The following SLC39A10 variants were observed in gnomAD, a reference collection of about 807,000 sequenced individuals.
SLC39A10 encodes solute carrier family 39 member 10.
In SLC39A10, 13 loss-of-function variants were observed where a neutral mutation model predicts 65.1. The observed-to-expected ratio is 0.20, with a 90% CI of 0.13 to 0.32. SLC39A10 has a LOEUF of 0.32. Among genes scored for constraint, SLC39A10 ranks in the 10% least tolerant of loss-of-function variants. The pLI is 1.00. For missense variants in SLC39A10, 831 were observed against 1,018.4 expected, an observed-to-expected ratio of 0.82 and a Z score of 2.50; for synonymous variants, 321 against 342.2, an observed-to-expected ratio of 0.94 and a Z score of 0.68.
chr2:195,680,222 A>C lies in SLC39A10; in HGVS notation c.180A>C (p.Lys60Asn), dbSNP rs1443499973. ...KFSKQAAENE[K>N]KYYIEKLFER... ...CAAAGCAAGCTGCTGAAAATGAAAA[A>C]AAATACTATATTGAAAAACTTTTTG... Residue 60 changes from lysine (K) to asparagine (N), a missense_variant, in exon 2 of 10, where the codon AAA becomes AAC. Transcript: ENST00000359634. 1 of 1,613,930 alleles carries C rather than the reference A, an allele frequency of 6.2e-7. No individual in the cohort carries two copies. Among genetic ancestry groups the C allele is most frequent in the Admixed American group, 1.7e-5 (1 of 59,980 alleles).
intron 8 of SLC39A10, among the ~76,000 whole-genome samples, chr2:195,726,055 A>T (rs570950848): frequency 1.1e-4 from 17 of 152,252 alleles, no homozygotes; most frequent in African/African-American, 3.6e-4. Flanking sequence ...CTACATTTTT[A>T]AAAAATGAAA....
chr2:195,619,875 T>A (rs566521399), intron 2 of SLC39A10, among the ~76,000 whole-genome samples: 4 of 148,766 alleles, frequency 2.7e-5, no homozygotes, highest in Non-Finnish European at 4.4e-5. Flanking sequence ...CCTCCAGGAC[T>A]TTATTTATTT....
At chr2:195,670,423 T>A (rs1319499944) in intron 1 of SLC39A10, 1 of 152,190 alleles carries the variant, frequency 6.6e-6, no homozygotes, top group Non-Finnish European at 1.5e-5. Context: ...GCAGGGGCTA[T>A]GCCAATCTTC....
At chr2:195,693,979 A>C (rs1690843720) in intron 3 of SLC39A10, among the ~76,000 whole-genome samples, 1 of 152,176 alleles carries the variant, frequency 6.6e-6, no homozygotes, top group Non-Finnish European at 1.5e-5. Context: ...GCTGTATCTC[A>C]GAAGTTTTGA....
intron 2 of SLC39A10, among the ~76,000 whole-genome samples, chr2:195,639,228 A>G (rs1688754677): frequency 6.6e-6 from 1 of 152,200 alleles, no homozygotes; most frequent in Non-Finnish European, 1.5e-5. Context: ...TTGGGATTAC[A>G]AGCGTGAGCC....
At chr2:195,661,928 G>T (rs901425571) in intron 1 of SLC39A10, among the ~76,000 whole-genome samples, 15 of 152,208 alleles carry the variant, frequency 9.9e-5, no homozygotes, top group Admixed American at 4.6e-4. Context: ...TGAAAGGGAG[G>T]TATCAGATAA....
intron 1 of SLC39A10, chr2:195,658,716 AAT>A (rs1689264084): frequency 6.6e-6 from 1 of 152,228 alleles, no homozygotes; most frequent in Admixed American, 6.5e-5. Context: ...TGAGTACCTT[AAT>A]ATGAGTCAGT....
At chr2:195,692,321 C>T (rs1467062023) in intron 3 of SLC39A10, among the ~76,000 whole-genome samples, 1 of 151,778 alleles carries the variant, frequency 6.6e-6, no homozygotes, top group Non-Finnish European at 1.5e-5. Context: ...TTGCATTGGC[C>T]CTGTAGGCTC....
rs569976905 is a variant in SLC39A10 at position 195,696,247 on chromosome 2, A to C, written c.1217-10369A>C. On this transcript the variant is annotated intron_variant, in intron 3 of 9. Transcript: ENST00000359634. Reference sequence around the variant, plus strand: ...CCTCCAGTTCTGTTTTTGTTTTTCAAGTTTATCTTGGCTATTTTGGGTTCC... The same window carrying C: ...CCTCCAGTTCTGTTTTTGTTTTTCACGTTTATCTTGGCTATTTTGGGTTCC... Among the ~76,000 whole-genome samples, 47 of 151,104 alleles carry C rather than the reference A, an allele frequency of 3.1e-4. 1 individual carries two copies. Among genetic ancestry groups the C allele is most frequent in the African/African-American group, 1.1e-3 (46 of 41,106 alleles).
intron 3 of SLC39A10, among the ~76,000 whole-genome samples, chr2:195,699,270 T>C (rs960857390): frequency 2.0e-5 from 3 of 151,988 alleles, no homozygotes; most frequent in African/African-American, 7.2e-5. Flanking sequence ...ATTTTGTTTT[T>C]CTGCTCTCTA....
intron 1 of SLC39A10, among the ~76,000 whole-genome samples, chr2:195,669,117 C>G (rs1279372306): frequency 1.3e-5 from 2 of 151,460 alleles, no homozygotes; most frequent in African/African-American, 4.9e-5. Flanking sequence ...GCCTCTCCAG[C>G]AGTTGGAACT....
upstream of SLC39A10, among the ~76,000 whole-genome samples, chr2:195,656,474 G>A (rs1468166033): frequency 1.3e-5 from 2 of 152,140 alleles, no homozygotes; most frequent in Non-Finnish European, 1.5e-5. Context: ...GAGGAGTAGA[G>A]GAGTGAAGAC....
chr2:195,646,429 A>G (rs1227814302), intron 2 of SLC39A10, among the ~76,000 whole-genome samples: 1 of 152,124 alleles, frequency 6.6e-6, no homozygotes, highest in Non-Finnish European at 1.5e-5. Flanking sequence ...ACATTACCAC[A>G]TATGTGGTGG....
Position 195,678,196 on chromosome 2 carries a change from A to G in SLC39A10, c.-11-1836A>G, listed in dbSNP as rs148155127. On this transcript the variant is annotated intron_variant, in intron 1 of 9. Transcript: ENST00000359634. Reference sequence around the variant, plus strand: ...ATTCAGCTTCTGGCAGATCTTGCCAAACAGTTTTTCAGAAGATACAATCTC... The same window carrying G: ...ATTCAGCTTCTGGCAGATCTTGCCAGACAGTTTTTCAGAAGATACAATCTC... Among the ~76,000 whole-genome samples the G allele has an allele frequency of 9.3e-3, 1,415 of 152,356 alleles. 43 individuals carry two copies. The highest frequency in any genetic ancestry group is 0.058 in the Admixed American group (887 of 15,304).
chr2:195,628,580 A>T (rs1191573792), intron 2 of SLC39A10, among the ~76,000 whole-genome samples: 1 of 152,250 alleles, frequency 6.6e-6, no homozygotes, highest in African/African-American at 2.4e-5. Flanking sequence ...GTGGAAAGAC[A>T]AGTATAAAAC....
intron 1 of SLC39A10, among the ~76,000 whole-genome samples, chr2:195,678,693 C>T (rs1690189101): frequency 6.6e-6 from 1 of 151,260 alleles, no homozygotes; most frequent in South Asian, 2.1e-4. Context: ...TCTGCGCTTT[C>T]CAGTACAGTA....
intron 2 of SLC39A10, among the ~76,000 whole-genome samples, chr2:195,616,671 T>C (rs112085471): frequency 1.3e-4 from 19 of 151,644 alleles, no homozygotes; most frequent in African/African-American, 3.6e-4. Flanking sequence ...TGGTGCCATC[T>C]CGGCTCACTG....
At chr2:195,674,243 G>T (rs1267032792) in intron 1 of SLC39A10, among the ~76,000 whole-genome samples, 1 of 151,884 alleles carries the variant, frequency 6.6e-6, no homozygotes, top group Non-Finnish European at 1.5e-5. Context: ...GTTGTAGCAG[G>T]CAACATAATG....
At chr2:195,635,708 C>CTTT (rs61132041) in intron 2 of SLC39A10, among the ~76,000 whole-genome samples, 1,443 of 141,812 alleles carry the variant, frequency 0.01, 35 homozygotes, top group African/African-American at 0.035. Context: ...ACCCCCCCCA[C>CTTT]TTTTTTTTTT....
Sources: gnomAD v4.1 joint callset for allele counts (sites outside exome capture counted in the v4.1 genomes callset) on GRCh38, gnomAD v4.1.1 for gene constraint, MANE v1.5 for transcripts, NCBI Gene and HGNC (gene_info 2026-07-23, HGNC 2026-07-21) for gene names.